Variants in CAMK1D observed in about 807,000 individuals in gnomAD.
CAMK1D encodes the protein calcium/calmodulin-dependent protein kinase type 1D.
Under a neutral mutation model 47.7 loss-of-function variants are expected in CAMK1D, and 9 were observed. The ratio of observed to expected loss-of-function variants is 0.19; its 90% CI spans 0.11 to 0.33. The LOEUF (loss-of-function observed/expected upper bound fraction) is 0.33. CAMK1D is among the 10% of genes least tolerant of loss of function. The pLI is 1.00. For missense variants in CAMK1D, 291 were observed against 488.7 expected (o/e 0.60, Z 3.81); for synonymous variants, 184 against 184.9 (o/e 0.99, Z 0.04).
At chr10:12,454,519 C>T (rs368842711) in intron 1 of CAMK1D, among the ~76,000 whole-genome samples, 47 of 151,210 alleles carry the variant, frequency 3.1e-4, no homozygotes, top group African/African-American at 6.8e-4. Flanking sequence ...TTAAGAGTGC[C>T]GTGGCACAGC....
chr10:12,567,287 C>G (rs1837154838), intron 2 of CAMK1D, among the ~76,000 whole-genome samples: 1 of 152,170 alleles, frequency 6.6e-6, no homozygotes, highest in Non-Finnish European at 1.5e-5. Context: ...CCTGTTTGAT[C>G]CTTTGCTTTC....
chr10:12,674,275 T>G (rs185203467), intron 3 of CAMK1D, among the ~76,000 whole-genome samples: 14 of 152,134 alleles, frequency 9.2e-5, no homozygotes, highest in African/African-American at 2.9e-4. Context: ...GTGGAAAGAG[T>G]TTTTGTTTTT....
At chr10:12,400,584 T>A (rs889390885) in intron 1 of CAMK1D, among the ~76,000 whole-genome samples, 3 of 152,158 alleles carry the variant, frequency 2.0e-5, no homozygotes, top group African/African-American at 7.2e-5. Flanking sequence ...GCTCTACAAA[T>A]TTTAATCCCT....
At chr10:12,756,257 A>C (rs1207705929) in intron 3 of CAMK1D, among the ~76,000 whole-genome samples, 1 of 152,260 alleles carries the variant, frequency 6.6e-6, no homozygotes, top group Non-Finnish European at 1.5e-5. Context: ...AATACTTTAA[A>C]TTACAATTAG....
intron 1 of CAMK1D, among the ~76,000 whole-genome samples, chr10:12,544,936 T>C (rs1836314990): frequency 6.6e-6 from 1 of 152,100 alleles, no homozygotes; most frequent in Admixed American, 6.5e-5. Flanking sequence ...TAGGATACAT[T>C]ACTTACTTTG....
intron 5 of CAMK1D, among the ~76,000 whole-genome samples, chr10:12,770,565 GAC>G (rs1219165990): frequency 1.3e-5 from 2 of 152,234 alleles, no homozygotes; most frequent in Non-Finnish European, 2.9e-5. Context: ...GGCAGTGAAT[GAC>G]ACAGACACGG....
chr10:12,531,564 A>G (rs376309711), intron 1 of CAMK1D, among the ~76,000 whole-genome samples: 41 of 152,346 alleles, frequency 2.7e-4, no homozygotes, highest in African/African-American at 9.4e-4. Flanking sequence ...ACGGAGCAGG[A>G]GAGACTCCAG....
intron 1 of CAMK1D, among the ~76,000 whole-genome samples, chr10:12,354,076 G>C (rs1837427397): frequency 6.6e-6 from 1 of 152,158 alleles, no homozygotes; most frequent in African/African-American, 2.4e-5. Context: ...AAAGGCCTGG[G>C]TACTTGGCAC....
At chr10:12,589,574 G>A (rs1381637031) in intron 2 of CAMK1D, among the ~76,000 whole-genome samples, 3 of 152,194 alleles carry the variant, frequency 2.0e-5, no homozygotes, top group East Asian at 1.9e-4. Flanking sequence ...AGGCTCCCCA[G>A]CCCGGAATGA....
chr10:12,764,017 C>T lies in CAMK1D; in HGVS notation c.438+2931C>T, dbSNP rs550945448. Among the ~76,000 whole-genome samples the T allele has an allele frequency of 2.0e-5, 3 of 152,264 alleles. No individual in the cohort carries two copies. In the South Asian group the frequency reaches 6.2e-4, roughly 32 times the overall value. The stretch of plus-strand genomic sequence containing the variant: ...CCCACCCAGATGATACCTGAGCCTG[C>T]CTCTCCCCCACCGTCTTCCCTCCTC... On this transcript the variant is annotated intron_variant, in intron 4 of 10. Coordinates refer to ENST00000619168, the MANE Select transcript of CAMK1D (RefSeq NM_153498.4).
At chr10:12,587,218 A>G (rs115769712) in intron 2 of CAMK1D, among the ~76,000 whole-genome samples, 194 of 152,238 alleles carry the variant, frequency 1.3e-3, no homozygotes, top group African/African-American at 4.4e-3. Context: ...ATGGTAAATA[A>G]CCGAAAATTA....
rs116290244 is a variant in CAMK1D, at chr10:12,459,833, A to G, written c.93-93392A>G. Among the ~76,000 whole-genome samples, 907 of 152,334 alleles carry G rather than the reference A, an allele frequency of 6.0e-3. 14 individuals are homozygous for G. Among genetic ancestry groups the G allele is most frequent in the African/African-American group, 0.021 (860 of 41,564 alleles). On this transcript the variant is annotated intron_variant, in intron 1 of 10. Coordinates refer to ENST00000619168, the MANE Select transcript of CAMK1D (RefSeq NM_153498.4). ...TGTTGGTGAAACTTGAGAAATAATGAGCAACATGGATCAAAGCCGTGGGGA... is the reference window on the plus strand; with the variant it reads ...TGTTGGTGAAACTTGAGAAATAATGGGCAACATGGATCAAAGCCGTGGGGA...
intron 2 of CAMK1D, among the ~76,000 whole-genome samples, chr10:12,557,694 CTGTT>C (rs1836809894): frequency 6.6e-6 from 1 of 152,068 alleles, no homozygotes; most frequent in African/African-American, 2.4e-5. Flanking sequence ...TATTTCCTGA[CTGTT>C]TGTTGATTTC....
intron 2 of CAMK1D, among the ~76,000 whole-genome samples, chr10:12,594,047 A>G (rs143869484): frequency 0.011 from 1,677 of 152,116 alleles, 73 homozygotes; most frequent in Admixed American, 0.075. Context: ...GTGGTGGCAC[A>G]TGCCTGTAAT....
intron 1 of CAMK1D, among the ~76,000 whole-genome samples, chr10:12,404,474 A>G (rs901266484): frequency 3.3e-5 from 5 of 152,226 alleles, no homozygotes; most frequent in African/African-American, 9.6e-5. Flanking sequence ...GGTATGCCTT[A>G]TAAATAGGTA....
chr10:12,741,828 C>T (rs374688873), intron 3 of CAMK1D, among the ~76,000 whole-genome samples: 50 of 152,266 alleles, frequency 3.3e-4, no homozygotes, highest in African/African-American at 1.2e-3. Flanking sequence ...GGAACTGAGA[C>T]GGCCCTGCAG....
intron 2 of CAMK1D, among the ~76,000 whole-genome samples, chr10:12,619,541 GC>G (rs1468253486): frequency 6.6e-6 from 1 of 152,068 alleles, no homozygotes; most frequent in Non-Finnish European, 1.5e-5. Context: ...TCCTGCTTCA[GC>G]CTCCCAAAGT....
chr10:12,665,913 C>T (rs1258457707), intron 2 of CAMK1D, among the ~76,000 whole-genome samples: 1 of 152,222 alleles, frequency 6.6e-6, no homozygotes, highest in Non-Finnish European at 1.5e-5. Context: ...TTCATCTGCA[C>T]GTTGAAGTTT....
chr10:12,742,091 C>T (rs1186323441), intron 3 of CAMK1D, among the ~76,000 whole-genome samples: 1 of 152,188 alleles, frequency 6.6e-6, no homozygotes, highest in Non-Finnish European at 1.5e-5. Context: ...CTCTCTCTGC[C>T]TACGCCCACT....
Sources: gnomAD v4.1 joint callset for allele counts (sites outside exome capture counted in the v4.1 genomes callset) on GRCh38, gnomAD v4.1.1 for gene constraint, MANE v1.5 for transcripts, NCBI Gene and HGNC (gene_info 2026-07-23, HGNC 2026-07-21) for gene names.